Variants in DLG2 observed in about 807,000 individuals in gnomAD.
The protein encoded by DLG2 is disks large homolog 2.
Under a neutral mutation model 132.5 loss-of-function variants are expected in DLG2, and 45 were observed. That is an observed-to-expected ratio of 0.34 (90% CI 0.27 to 0.44). The LOEUF (loss-of-function observed/expected upper bound fraction) is 0.44. Ranked by LOEUF, DLG2 falls within the 20% of genes least tolerant of loss-of-function variation. The pLI is 1.00. For synonymous variants in DLG2, 424 were observed against 419.6 expected (o/e 1.01, Z -0.13); for missense variants, 1,045 against 1,196.9 (o/e 0.87, Z 1.87).
At chr11:83,764,979 G>A (rs1010096276) in intron 18 of DLG2, among the ~76,000 whole-genome samples, 2 of 152,168 alleles carry the variant, frequency 1.3e-5, no homozygotes, top group Admixed American at 6.5e-5. Flanking sequence ...CTCTAGATTT[G>A]ACTTGGATAT....
At chr11:84,862,869 A>AATG (rs1403812466) in intron 6 of DLG2, among the ~76,000 whole-genome samples, 1 of 149,598 alleles carries the variant, frequency 6.7e-6, no homozygotes, top group Non-Finnish European at 1.5e-5. Context: ...AGAAATACCT[A>AATG]ATGTACGTGA....
At chr11:85,358,435 G>T (rs141195046) in intron 3 of DLG2, among the ~76,000 whole-genome samples, 2 of 152,146 alleles carry the variant, frequency 1.3e-5, no homozygotes, top group African/African-American at 2.4e-5. Flanking sequence ...TTTAAATCTG[G>T]GCTGCTCATG....
intron 18 of DLG2, among the ~76,000 whole-genome samples, chr11:83,720,078 A>T (rs1298502958): frequency 6.6e-6 from 1 of 151,976 alleles, no homozygotes; most frequent in Non-Finnish European, 1.5e-5. Flanking sequence ...GGATCACCTG[A>T]GGTCAGGAGC....
intron 22 of DLG2, among the ~76,000 whole-genome samples, chr11:83,475,855 T>G (rs2092568532): frequency 6.6e-6 from 1 of 152,070 alleles, no homozygotes; most frequent in African/African-American, 2.4e-5. Flanking sequence ...AAATAACAGC[T>G]GACAAAAAGG....
intron 7 of DLG2, among the ~76,000 whole-genome samples, chr11:84,275,554 G>T (rs184309273): frequency 1.3e-5 from 2 of 152,130 alleles, no homozygotes; most frequent in East Asian, 3.9e-4. Context: ...ATGGTGTTTC[G>T]CCATGTTAGC....
chr11:83,521,854 T>TA (rs772379174), intron 21 of DLG2, among the ~76,000 whole-genome samples: 1 of 152,064 alleles, frequency 6.6e-6, no homozygotes, highest in Non-Finnish European at 1.5e-5. Context: ...GGTGTCTCCC[T>TA]ACTCCAGTCC....
At chr11:85,064,424 C>T (rs1444570218) in intron 6 of DLG2, among the ~76,000 whole-genome samples, 1 of 151,696 alleles carries the variant, frequency 6.6e-6, no homozygotes, top group Non-Finnish European at 1.5e-5. Context: ...TACGTGGCAG[C>T]AGTAATTGTT....
intron 19 of DLG2, among the ~76,000 whole-genome samples, chr11:83,600,414 T>TA (rs147121310): frequency 0.019 from 2,909 of 152,302 alleles, 95 homozygotes; most frequent in African/African-American, 0.067. Flanking sequence ...TATCACAACT[T>TA]AAAGTCCATT....
At chr11:84,576,700 T>C (rs573547529) in intron 6 of DLG2, among the ~76,000 whole-genome samples, 1 of 152,326 alleles carries the variant, frequency 6.6e-6, no homozygotes, top group East Asian at 1.9e-4. Flanking sequence ...AAAGTTTGAA[T>C]TGATAATTTT....
intron 11 of DLG2, among the ~76,000 whole-genome samples, chr11:84,033,420 T>C (rs1480242431): frequency 6.6e-6 from 1 of 152,230 alleles, no homozygotes; most frequent in African/African-American, 2.4e-5. Flanking sequence ...ATCCTGAAGA[T>C]ATGACTGAAT....
intron 6 of DLG2, among the ~76,000 whole-genome samples, chr11:84,857,451 T>C (rs915336304): frequency 6.6e-6 from 1 of 151,884 alleles, no homozygotes; most frequent in Non-Finnish European, 1.5e-5. Context: ...AGCTGGAAAC[T>C]AGTATGTTTC....
intron 3 of DLG2, among the ~76,000 whole-genome samples, chr11:85,375,540 A>G (rs920254702): frequency 2.8e-4 from 43 of 152,176 alleles, no homozygotes; most frequent in Admixed American, 8.5e-4. Context: ...AACAACAACA[A>G]AAAAACTGTC....
intron 19 of DLG2, among the ~76,000 whole-genome samples, chr11:83,563,242 G>T (rs538594885): frequency 6.6e-6 from 1 of 152,118 alleles, no homozygotes; most frequent in African/African-American, 2.4e-5. Context: ...CTCCCAAAGT[G>T]CTGGGATTAC....
At chr11:83,891,342 A>G (rs1234463769) in intron 15 of DLG2, among the ~76,000 whole-genome samples, 1 of 152,210 alleles carries the variant, frequency 6.6e-6, no homozygotes, top group East Asian at 1.9e-4. Flanking sequence ...AAACGGGAGC[A>G]AGGAGATAGT....
At chr11:83,795,759 G>T (rs1056620106) in intron 17 of DLG2, among the ~76,000 whole-genome samples, 1 of 152,098 alleles carries the variant, frequency 6.6e-6, no homozygotes, top group Admixed American at 6.5e-5. Context: ...ATTTCTTAGT[G>T]CTATAGAATG....
chr11:84,986,759 T>A (rs1003380202), intron 6 of DLG2, among the ~76,000 whole-genome samples: 1 of 152,146 alleles, frequency 6.6e-6, no homozygotes, highest in African/African-American at 2.4e-5. Flanking sequence ...AAGGGACATA[T>A]CTCAGTGTAA....
At chr11:84,630,339 T>A (rs1013926923) in intron 6 of DLG2, among the ~76,000 whole-genome samples, 9 of 152,062 alleles carry the variant, frequency 5.9e-5, no homozygotes, top group Admixed American at 2.0e-4. Flanking sequence ...CATCCTGAGG[T>A]TAGGTTTGGG....
intron 8 of DLG2, among the ~76,000 whole-genome samples, chr11:84,232,532 G>A (rs375194409): frequency 5.9e-5 from 9 of 152,160 alleles, no homozygotes; most frequent in East Asian, 1.9e-4. Context: ...ATTTTCAGAT[G>A]GGGACAATGG....
intron 6 of DLG2, among the ~76,000 whole-genome samples, chr11:84,934,525 G>GTTTTTTTTTTTTT (rs757894179): frequency 2.6e-5 from 1 of 38,636 alleles, no homozygotes; most frequent in Non-Finnish European, 4.4e-5. Context: ...GTTTTGTTTT[G>GTTTTTTTTTTTTT]TTTTTTTTTT....
Sources: allele counts gnomAD v4.1 joint callset (sites outside exome capture counted in the v4.1 genomes callset), GRCh38; gene constraint gnomAD v4.1.1; transcripts MANE v1.5; gene names NCBI Gene and HGNC (gene_info 2026-07-23, HGNC 2026-07-21).